The following RBP4 variants were observed in gnomAD, a reference collection of about 807,000 sequenced individuals.
RBP4 encodes retinol binding protein 4, also known as retinol-binding protein 4.
In RBP4, 9 loss-of-function variants were observed where a neutral mutation model predicts 26.2. That is an observed-to-expected ratio of 0.34 (90% CI 0.21 to 0.60). The LOEUF is 0.60. Among genes scored for constraint, RBP4 ranks in the 20% least tolerant of loss-of-function variants. The probability of loss-of-function intolerance (pLI) is 0.80; values close to 1 mark genes in which losing one functional copy is unlikely to be tolerated. For synonymous variants in RBP4, 114 were observed against 111.0 expected (o/e 1.03, Z -0.17); for missense variants, 244 against 271.3 (o/e 0.90, Z 0.71).
upstream of RBP4, chr10:93,601,498 C>G (rs1270794784): frequency 1.3e-6 from 1 of 761,972 alleles, no homozygotes; most frequent in Non-Finnish European, 2.0e-6. Flanking sequence ...ACCCTGCACT[C>G]GTGCCAGCGG....
chr10:93,596,520 C>G (rs565082163), intron 4 of RBP4, among the ~76,000 whole-genome samples: 1 of 152,300 alleles, frequency 6.6e-6, no homozygotes, highest in South Asian at 2.1e-4. Context: ...TCTGGAGAAC[C>G]AGACACCCCC....
intron 5 of RBP4, among the ~76,000 whole-genome samples, chr10:93,592,702 A>C (rs191355890): frequency 3.3e-4 from 51 of 152,276 alleles, no homozygotes; most frequent in African/African-American, 1.1e-3. Flanking sequence ...CTGGCCCTAC[A>C]TTTAATTTTG....
chr10:93,599,967 C>T (rs962287181), intron 4 of RBP4, among the ~76,000 whole-genome samples: 7 of 152,140 alleles, frequency 4.6e-5, no homozygotes, highest in Admixed American at 2.0e-4. Context: ...GTGTTCCCTC[C>T]GTCCTTGGAT....
intron 3 of RBP4, 57 bp downstream of exon 3, chr10:93,600,610 A>AG (rs1281710451): frequency 6.2e-7 from 1 of 1,612,592 alleles, no homozygotes; most frequent in African/African-American, 1.3e-5. Flanking sequence ...ATCAGCAGGC[A>AG]GGGCCCTTGG....
intron 4 of RBP4, among the ~76,000 whole-genome samples, chr10:93,595,471 G>C (rs1019639895): frequency 6.6e-6 from 1 of 152,194 alleles, no homozygotes. Flanking sequence ...TCAAGCAAGG[G>C]AGTGTGATCC....
intron 4 of RBP4, among the ~76,000 whole-genome samples, chr10:93,598,985 A>C (rs977166075): frequency 6.6e-6 from 1 of 152,228 alleles, no homozygotes; most frequent in Non-Finnish European, 1.5e-5. Flanking sequence ...ATGGTGGCTC[A>C]TACTTGTAAT....
intron 4 of RBP4, among the ~76,000 whole-genome samples, chr10:93,596,464 G>A (rs1200086082): frequency 2.6e-5 from 4 of 152,188 alleles, no homozygotes; most frequent in African/African-American, 7.2e-5. Context: ...GCGAGAATGA[G>A]GTTGGTTCTC....
At chr10:93,601,433 G>T (rs2058338965), upstream of RBP4, 3 of 1,203,854 alleles carry the variant, frequency 2.5e-6, no homozygotes, top group South Asian at 6.1e-5. Context: ...ACAGTGGAGC[G>T]GCCGCGCGGG....
At chr10:93,600,634 GCAAA>G in intron 3 of RBP4, 29 bp downstream of exon 3, 1 of 1,611,728 alleles carries the variant, frequency 6.2e-7, no homozygotes, top group Non-Finnish European at 8.5e-7. Context: ...ACCCTGGAGC[GCAAA>G]GGGCGCAGCT....
chr10:93,600,992 G>A lies in RBP4; in HGVS notation c.37C>T (p.Leu13=), dbSNP rs748595106. The A allele has an allele frequency of 6.2e-7, 1 of 1,612,182 alleles. No individual in the cohort carries two copies. Among genetic ancestry groups the A allele is most frequent in the Non-Finnish European group, 8.5e-7 (1 of 1,179,718 alleles). ...WVWALLLLAA[L]GSGRAERDCR... is the part of the protein sequence containing the mutation. ...TCGCGCTCCGCGCGGCCGCTGCCCA[G>A]CGCCGCCAACAGCAAGAGCGCCCAC... The change falls in exon 2 of 6, where the codon CTG becomes TTG. Residue 13 remains leucine, a synonymous_variant. Transcript: ENST00000371464.
At chr10:93,595,226 G>A (rs1444443738) in intron 4 of RBP4, among the ~76,000 whole-genome samples, 1 of 152,080 alleles carries the variant, frequency 6.6e-6, no homozygotes, top group Non-Finnish European at 1.5e-5. Flanking sequence ...AGATAAAAGT[G>A]CCACATCTCT....
intron 4 of RBP4, among the ~76,000 whole-genome samples, chr10:93,599,236 G>A (rs889154013): frequency 1.3e-5 from 2 of 150,524 alleles, no homozygotes; most frequent in African/African-American, 4.9e-5. Flanking sequence ...GTGACAGTGA[G>A]ACCCTGTCTC....
intron 4 of RBP4, among the ~76,000 whole-genome samples, chr10:93,599,376 A>G (rs747760712): frequency 2.6e-5 from 4 of 152,238 alleles, no homozygotes; most frequent in Non-Finnish European, 5.9e-5. Context: ...AAGGGTTACA[A>G]TAAAGGACAC....
intron 4 of RBP4, 54 bp from the exon 5 acceptor site, chr10:93,594,089 A>G: frequency 6.4e-7 from 1 of 1,564,488 alleles, no homozygotes; most frequent in South Asian, 1.1e-5. Flanking sequence ...ATGGGCTCAG[A>G]TGTCGGAGAA....
chr10:93,599,601 TCA>T (rs1347149002), intron 4 of RBP4, among the ~76,000 whole-genome samples: 2 of 152,198 alleles, frequency 1.3e-5, no homozygotes, highest in African/African-American at 4.8e-5. Context: ...TCTCTTGGCC[TCA>T]GTTTATTCAT....
chr10:93,601,057 C>A lies in RBP4; in HGVS notation c.-18-11G>T, dbSNP rs753882149. 2 of 1,603,828 alleles carry A rather than the reference C, an allele frequency of 1.2e-6. No homozygotes were observed. The highest frequency in any genetic ancestry group is 1.3e-5 in the African/African-American group (1 of 74,888). ...GCCCAGGAATCCGCCCTGCGGGAGA[C>A]GCGCCTCCGTCAGTGCCCGGCAGCC... On this transcript the variant is annotated splice_polypyrimidine_tract_variant and intron_variant, in intron 1 of 5. Transcript: ENST00000371464.
At chr10:93,600,589 C>A (rs1206882840) in intron 3 of RBP4, 78 bp downstream of exon 3, 15 of 1,612,420 alleles carry the variant, frequency 9.3e-6, no homozygotes, top group Admixed American at 5.0e-5. Flanking sequence ...CTTCACAATG[C>A]CCACGTGGCG....
chr10:93,601,462 A>C, upstream of RBP4: 3 of 992,754 alleles, frequency 3.0e-6, no homozygotes, highest in Non-Finnish European at 4.2e-6. Context: ...GGCCAGGCCA[A>C]ATGCGCCAGC....
chr10:93,600,245 C>T lies in RBP4; in HGVS notation c.355+148G>A, dbSNP rs1207810298. On this transcript the variant is annotated intron_variant, in intron 4 of 5. Transcript: ENST00000371464. Reference sequence around the variant, plus strand: ...GCTGCTCCCAATCTTGTTCCCCTAACCTCAGGTGGTGCTGCGGGTTCCTGA... The same window carrying T: ...GCTGCTCCCAATCTTGTTCCCCTAATCTCAGGTGGTGCTGCGGGTTCCTGA... 6.7e-6 allele frequency: 5 copies of T among 748,186 alleles called. No homozygotes were observed. The East Asian group carries it at 1.0e-4, about 16-fold the overall frequency. 46.3% of individuals were successfully genotyped at this position (748,186 alleles called of 1,614,324 possible).
Sources: allele counts gnomAD v4.1 joint callset (sites outside exome capture counted in the v4.1 genomes callset), GRCh38; gene constraint gnomAD v4.1.1; transcripts MANE v1.5; gene names NCBI Gene and HGNC (gene_info 2026-07-23, HGNC 2026-07-21).